Variants in SLAMF6 observed in about 807,000 individuals in gnomAD.
SLAMF6 encodes NK-T-B-antigen.
SLAMF6 carries 21 observed loss-of-function variants against 38.3 expected under a neutral mutation model. The ratio of observed to expected loss-of-function variants is 0.55; its 90% CI spans 0.39 to 0.79. SLAMF6 has a LOEUF of 0.79. SLAMF6 is among the 30% of genes least tolerant of loss of function. SLAMF6 has a pLI of 0.00. For synonymous variants in SLAMF6, 152 were observed against 146.3 expected (o/e 1.04, Z -0.28); for missense variants, 341 against 385.3 (o/e 0.89, Z 0.96).
rs1050381157 is a variant in SLAMF6 at position 160,509,526 on chromosome 1, G to A, written c.50-13133C>T. ...TCAGGGGGTGGGGAGCTGGGGGAGGGATAGCATTAAGAGAAATACCTAATG... is the reference window on the plus strand; with the variant it reads ...TCAGGGGGTGGGGAGCTGGGGGAGGAATAGCATTAAGAGAAATACCTAATG... On this transcript the variant is annotated intron_variant, in intron 1 of 7. Coordinates refer to ENST00000368057, the MANE Select transcript of SLAMF6 (RefSeq NM_001184714.2). Among the ~76,000 whole-genome samples, 4 of 152,086 alleles carry A rather than the reference G, an allele frequency of 2.6e-5. No individual in the cohort carries two copies. In the South Asian group the frequency reaches 8.3e-4, roughly 32 times the overall value.
intron 1 of SLAMF6, among the ~76,000 whole-genome samples, chr1:160,498,244 A>C (rs1653699697): frequency 6.6e-6 from 1 of 152,148 alleles, no homozygotes; most frequent in Non-Finnish European, 1.5e-5. Context: ...AAAATACAAA[A>C]AAGTGTATTA....
At chr1:160,523,063 T>C (rs907425882) in intron 1 of SLAMF6, 81 bp downstream of exon 1, 64 of 1,482,186 alleles carry the variant, frequency 4.3e-5, no homozygotes, top group Non-Finnish European at 5.4e-5. Flanking sequence ...CAGACAACTG[T>C]ATACAGACGA....
chr1:160,491,103 C>G (rs377476821), intron 3 of SLAMF6, 22 bp downstream of exon 3: 1 of 1,612,190 alleles, frequency 6.2e-7, no homozygotes, highest in Admixed American at 1.7e-5. Context: ...TCAAGGCTCT[C>G]AGACCTGAGG....
At chr1:160,505,659 C>T (rs1654146460) in intron 1 of SLAMF6, among the ~76,000 whole-genome samples, 1 of 152,078 alleles carries the variant, frequency 6.6e-6, no homozygotes, top group Non-Finnish European at 1.5e-5. Flanking sequence ...GCCTCGGCCC[C>T]CACAAAGTGC....
intron 1 of SLAMF6, among the ~76,000 whole-genome samples, chr1:160,499,738 A>T (rs746354948): frequency 6.6e-6 from 1 of 152,112 alleles, no homozygotes; most frequent in Non-Finnish European, 1.5e-5. Flanking sequence ...TTATAGGAGG[A>T]GCTGAATAGG....
At chr1:160,501,020 C>T (rs886620034) in intron 1 of SLAMF6, among the ~76,000 whole-genome samples, 2 of 152,194 alleles carry the variant, frequency 1.3e-5, no homozygotes, top group Admixed American at 1.3e-4. Context: ...GAGTGGTAGC[C>T]TGTCTAGGCA....
At chr1:160,523,030 G>C (rs186675825) in intron 1 of SLAMF6, 114 bp downstream of exon 1, 9 of 1,130,086 alleles carry the variant, frequency 8.0e-6, no homozygotes, top group East Asian at 2.6e-5. Context: ...CCCCTTTCCC[G>C]CCCCAATCCC....
chr1:160,498,960 G>A (rs1385656763), intron 1 of SLAMF6, among the ~76,000 whole-genome samples: 1 of 152,050 alleles, frequency 6.6e-6, no homozygotes, highest in African/African-American at 2.4e-5. Context: ...CTGGATATTA[G>A]ACCTTATGTT....
chr1:160,504,824 A>T (rs1339178739), intron 1 of SLAMF6, among the ~76,000 whole-genome samples: 2 of 152,230 alleles, frequency 1.3e-5, no homozygotes, highest in Non-Finnish European at 2.9e-5. Flanking sequence ...ATGTCTGCTT[A>T]TACCAGGGAA....
Position 160,523,248 on chromosome 1 carries a change from C to T in SLAMF6, c.-56G>A. The stretch of plus-strand genomic sequence containing the variant: ...CCTTGAGGCAGTCAATGTTTTTGCC[C>T]TTCTGTCATAAACTGAAAATACTTC... On this transcript the variant is annotated 5_prime_UTR_variant, in exon 1 of 8. Coordinates refer to ENST00000368057, the MANE Select transcript of SLAMF6 (RefSeq NM_001184714.2). 1 of 1,597,112 alleles carries T rather than the reference C, an allele frequency of 6.3e-7. No individual in the cohort carries two copies. Among genetic ancestry groups the T allele is most frequent in the Non-Finnish European group, 8.5e-7 (1 of 1,171,540 alleles).
chr1:160,492,898 A>G (rs780736669), intron 2 of SLAMF6, among the ~76,000 whole-genome samples: 3 of 152,002 alleles, frequency 2.0e-5, no homozygotes, highest in Non-Finnish European at 2.9e-5. Context: ...CACCATCTCC[A>G]CTGCTATCAC....
At chr1:160,507,369 A>C (rs952240664) in intron 1 of SLAMF6, among the ~76,000 whole-genome samples, 1 of 152,140 alleles carries the variant, frequency 6.6e-6, no homozygotes, top group Non-Finnish European at 1.5e-5. Flanking sequence ...TGCACCAAAC[A>C]ACAGCCCCAA....
chr1:160,499,060 G>A (rs1653744150), intron 1 of SLAMF6, among the ~76,000 whole-genome samples: 1 of 152,150 alleles, frequency 6.6e-6, no homozygotes, highest in Non-Finnish European at 1.5e-5. Flanking sequence ...AAGCTCTATA[G>A]TTTACTTAGG....
Position 160,490,636 on chromosome 1 carries a change from A to G in SLAMF6, c.696T>C (p.Ser232=), listed in dbSNP as rs1653234742. The change falls in exon 4 of 8, where the codon TCT becomes TCC. Residue 232 remains serine, a synonymous_variant. Coordinates refer to ENST00000368057, the MANE Select transcript of SLAMF6 (RefSeq NM_001184714.2). ...TGAAACCGAAGACTATGCATATCCC[A>G]GAAACCATAAACAGAATCATTTTGG... ...TDTKMILFMV[S]GICIVFGFII... is the part of the protein sequence containing the mutation. 6.2e-7 allele frequency: 1 copy of G among 1,613,976 alleles called. No homozygotes were observed. Among genetic ancestry groups the G allele is most frequent in the East Asian group, 2.2e-5 (1 of 44,876 alleles).
intron 1 of SLAMF6, among the ~76,000 whole-genome samples, chr1:160,497,262 T>C (rs1435432600): frequency 6.6e-6 from 1 of 152,216 alleles, no homozygotes; most frequent in Non-Finnish European, 1.5e-5. Flanking sequence ...AACGGTGAAA[T>C]GGTCACAATG....
chr1:160,489,608 A>T (rs1303386309), intron 5 of SLAMF6, among the ~76,000 whole-genome samples: 3 of 152,140 alleles, frequency 2.0e-5, no homozygotes, highest in African/African-American at 4.8e-5. Flanking sequence ...GGCTCAGAAA[A>T]CTTAACTGAC....
chr1:160,515,633 G>A (rs140535247), intron 1 of SLAMF6, among the ~76,000 whole-genome samples: 93 of 151,760 alleles, frequency 6.1e-4, no homozygotes, highest in African/African-American at 1.9e-3. Context: ...CAAATATAGC[G>A]GCACATCAAA....
rs1351106855 is a variant in SLAMF6, at chr1:160,491,313, C to A, written c.458G>T (p.Cys153Phe). 1 of 1,613,974 alleles carries A rather than the reference C, an allele frequency of 6.2e-7. No homozygotes were observed. The highest frequency in any genetic ancestry group is 1.1e-5 in the South Asian group (1 of 91,082). ...QNMTCELHLT[C>F]SVEDADDNVS... ...ATTGTCATCTGCATCCTCCACAGAG[C>A]AAGTCAGATGGAGCTCACAGGTCAT... The change falls in exon 3 of 8, where the codon TGC (cysteine) becomes TTC (phenylalanine). Residue 153 changes from cysteine (C) to phenylalanine (F), a missense_variant. Cys to Phe is a radical substitution (Grantham distance 205). Coordinates refer to ENST00000368057, the MANE Select transcript of SLAMF6 (RefSeq NM_001184714.2).
At chr1:160,493,910 A>C (rs577360985) in intron 2 of SLAMF6, among the ~76,000 whole-genome samples, 1 of 152,106 alleles carries the variant, frequency 6.6e-6, no homozygotes, top group Non-Finnish European at 1.5e-5. Context: ...CTTTCATGAG[A>C]GCTCACTATC....
Sources: gnomAD v4.1 joint callset for allele counts (sites outside exome capture counted in the v4.1 genomes callset) on GRCh38, gnomAD v4.1.1 for gene constraint, MANE v1.5 for transcripts, NCBI Gene and HGNC (gene_info 2026-07-23, HGNC 2026-07-21) for gene names.